The following PHF20 variants were observed in gnomAD, a reference collection of about 807,000 sequenced individuals.
The protein encoded by PHF20 is glioma-expressed antigen 2.
In PHF20, 23 loss-of-function variants were observed where a neutral mutation model predicts 113.5. That is an observed-to-expected ratio of 0.20 (90% CI 0.15 to 0.29). PHF20 has a LOEUF of 0.29. Among genes scored for constraint, PHF20 ranks in the 10% least tolerant of loss-of-function variants. The probability of loss-of-function intolerance (pLI) is 1.00; values close to 1 mark genes in which losing one functional copy is unlikely to be tolerated. For synonymous variants in PHF20, 434 were observed against 457.3 expected (o/e 0.95, Z 0.65); for missense variants, 943 against 1,219.6 (o/e 0.77, Z 3.38).
chr20:35,816,749 G>A (rs2042081467), intron 2 of PHF20, among the ~76,000 whole-genome samples: 1 of 151,628 alleles, frequency 6.6e-6, no homozygotes, highest in Admixed American at 6.6e-5. Flanking sequence ...ACTGCGCCCG[G>A]CCGATTTATG....
At position 35,858,302 on chromosome 20, in the gene PHF20, G is replaced by A; in HGVS notation, c.341G>A (p.Gly114Asp). The A allele has an allele frequency of 6.7e-7, 1 of 1,494,242 alleles. No individual in the cohort carries two copies. Among genetic ancestry groups the A allele is most frequent in the Non-Finnish European group, 9.3e-7 (1 of 1,076,364 alleles). The allele number at this position is 1,494,242 out of a possible 1,614,324, so 92.6% of individuals were successfully genotyped here. The part of the protein sequence containing the change: ...PAKVTAVNKD[G>D]TYTVKFYDGV... Reference sequence around the variant, plus strand: ...ATCATGATATCTTCTTGAATTTTAGGTACTTACACTGTGAAATTTTATGAT... The same window carrying A: ...ATCATGATATCTTCTTGAATTTTAGATACTTACACTGTGAAATTTTATGAT... The change falls in exon 5 of 18, where the codon GGT becomes GAT. Residue 114 changes from glycine (G) to aspartate (D), a missense_variant and splice_region_variant. Gly to Asp is a moderately conservative substitution (Grantham distance 94). Coordinates refer to ENST00000374012, the MANE Select transcript of PHF20 (RefSeq NM_016436.5).
At chr20:35,881,761 A>G (rs1034104500) in intron 9 of PHF20, among the ~76,000 whole-genome samples, 8 of 152,218 alleles carry the variant, frequency 5.3e-5, no homozygotes, top group African/African-American at 1.9e-4. Flanking sequence ...AACTCCAGAA[A>G]TATACAAGGA....
intron 2 of PHF20, among the ~76,000 whole-genome samples, chr20:35,833,431 C>T (rs1422263314): frequency 6.6e-6 from 1 of 152,066 alleles, no homozygotes; most frequent in Non-Finnish European, 1.5e-5. Flanking sequence ...TGCATATATC[C>T]CCTCCAAATT....
At chr20:35,822,987 G>T (rs1055795009) in intron 2 of PHF20, among the ~76,000 whole-genome samples, 1 of 151,378 alleles carries the variant, frequency 6.6e-6, no homozygotes, top group Admixed American at 6.6e-5. Flanking sequence ...TGACACCTCA[G>T]TACCACCCAA....
chr20:35,796,202 A>G (rs1040834535), intron 1 of PHF20, among the ~76,000 whole-genome samples: 9 of 152,078 alleles, frequency 5.9e-5, no homozygotes, highest in Admixed American at 5.9e-4. Context: ...GTTATTTTAC[A>G]TCTACTCTCT....
chr20:35,867,198 G>GATATATTAA (rs1337432976), intron 6 of PHF20, among the ~76,000 whole-genome samples: 2 of 152,134 alleles, frequency 1.3e-5, no homozygotes, highest in African/African-American at 4.8e-5. Context: ...GAGCACCCTA[G>GATATATTAA]ATTGTATAGA....
chr20:35,781,625 A>G (rs2041298297), intron 1 of PHF20, among the ~76,000 whole-genome samples: 1 of 151,582 alleles, frequency 6.6e-6, no homozygotes, highest in Non-Finnish European at 1.5e-5. Context: ...AACCATCACC[A>G]CTCTCCATCT....
rs573656793 is a variant in PHF20 at position 35,848,734 on chromosome 20, G to A, written c.340+1300G>A. ...TAGATGAGTGTGGTGACATGTTCCT[G>A]TAGTCCTAGCTACTCGCATGGCTGA... is the stretch of plus-strand genomic sequence containing the variant. On this transcript the variant is annotated intron_variant, in intron 4 of 17. Coordinates refer to ENST00000374012, the MANE Select transcript of PHF20 (RefSeq NM_016436.5). Among the ~76,000 whole-genome samples, 5 of 151,820 alleles carry A rather than the reference G, an allele frequency of 3.3e-5. No homozygotes were observed. In the East Asian group the frequency reaches 7.8e-4, roughly 24 times the overall value.
intron 4 of PHF20, chr20:35,849,540 T>C: frequency 2.1e-6 from 1 of 468,668 alleles, no homozygotes; most frequent in Non-Finnish European, 4.4e-6. Flanking sequence ...TCAGAAACTC[T>C]TTGAAATAAT....
In PHF20 at chr20:35,847,880, G is replaced by A. The variant is rs547897635; in HGVS notation, c.340+446G>A. 2.0e-5 allele frequency among the ~76,000 whole-genome samples: 3 copies of A among 152,192 alleles called. No individual in the cohort carries two copies. In the East Asian group the frequency reaches 5.8e-4, roughly 29 times the overall value. ...AGTTGCTAGTGGAAACTGGGATGCC[G>A]GAATTTAGAGCACTGAGTTGGGTTT... is the stretch of plus-strand genomic sequence containing the variant. On this transcript the variant is annotated intron_variant, in intron 4 of 17. Coordinates refer to ENST00000374012, the MANE Select transcript of PHF20 (RefSeq NM_016436.5).
intron 4 of PHF20, among the ~76,000 whole-genome samples, chr20:35,850,311 T>TTTTTTTTG (rs2042700021): frequency 8.9e-6 from 1 of 112,400 alleles, no homozygotes; most frequent in African/African-American, 3.9e-5. Context: ...TTTTTTTTTT[T>TTTTTTTTG]TTTTTTTTTT....
chr20:35,888,930 C>T (rs2054790016), intron 9 of PHF20, among the ~76,000 whole-genome samples: 1 of 151,034 alleles, frequency 6.6e-6, no homozygotes, highest in Admixed American at 6.6e-5. Context: ...TAGGGGAATA[C>T]ATACCTGTGT....
At chr20:35,814,322 A>G (rs1284668940) in intron 2 of PHF20, among the ~76,000 whole-genome samples, 2 of 151,414 alleles carry the variant, frequency 1.3e-5, no homozygotes, top group Non-Finnish European at 2.9e-5. Context: ...AGTTCAAGCA[A>G]TTCTCCTGCC....
chr20:35,915,979 C>G (rs1054624662), intron 12 of PHF20, among the ~76,000 whole-genome samples: 9 of 151,784 alleles, frequency 5.9e-5, no homozygotes, highest in Admixed American at 1.3e-4. Context: ...ACAAAAAATA[C>G]AAAAAAAGTT....
At chr20:35,776,010 A>G (rs189757043) in intron 1 of PHF20, among the ~76,000 whole-genome samples, 11 of 152,020 alleles carry the variant, frequency 7.2e-5, no homozygotes, top group Admixed American at 5.2e-4. Flanking sequence ...AGATCTTGCC[A>G]TTTTGCCCAG....
chr20:35,797,673 A>G (rs2041694528), intron 1 of PHF20, among the ~76,000 whole-genome samples: 1 of 130,744 alleles, frequency 7.6e-6, no homozygotes, highest in Non-Finnish European at 1.6e-5. Flanking sequence ...TTTTTTTGAG[A>G]TGGAATCTTG....
At position 35,884,321 on chromosome 20, in the gene PHF20, GA is replaced by G. The variant is rs1472469972; in HGVS notation, c.1282+12495del. On this transcript the variant is annotated intron_variant, in intron 9 of 17. Coordinates refer to ENST00000374012, the MANE Select transcript of PHF20 (RefSeq NM_016436.5). ...AAACCGAGATGGAGTCACAATCTGA[GA>G]AATTGGTGTGAAGGAGGCTCATGGG... Among the ~76,000 whole-genome samples, 39 of 152,190 alleles carry G rather than the reference GA, an allele frequency of 2.6e-4. 1 individual carries two copies. The highest frequency in any genetic ancestry group is 6.5e-5 in the Admixed American group (1 of 15,276).
chr20:35,781,875 C>T (rs1354833311), intron 1 of PHF20, among the ~76,000 whole-genome samples: 2 of 151,756 alleles, frequency 1.3e-5, no homozygotes, highest in South Asian at 2.1e-4. Context: ...AACGCGGGGG[C>T]GGGTGGAGGT....
chr20:35,877,965 A>G (rs148913602), intron 9 of PHF20, among the ~76,000 whole-genome samples: 87 of 152,344 alleles, frequency 5.7e-4, no homozygotes, highest in African/African-American at 2.1e-3. Flanking sequence ...TTAACTAGTT[A>G]AGATTTAGCA....
Sources: gnomAD v4.1 joint callset for allele counts (sites outside exome capture counted in the v4.1 genomes callset) on GRCh38, gnomAD v4.1.1 for gene constraint, MANE v1.5 for transcripts, NCBI Gene and HGNC (gene_info 2026-07-23, HGNC 2026-07-21) for gene names.